EOGT: variants seen among roughly 807,000 people sequenced by gnomAD.
EOGT encodes the protein EGF domain-specific O-linked N-acetylglucosamine transferase.
A neutral mutation model predicts 70.5 loss-of-function variants in EOGT; 55 were observed. The ratio of observed to expected loss-of-function variants is 0.78; its 90% CI spans 0.63 to 0.98. The LOEUF (loss-of-function observed/expected upper bound fraction) is 0.98. Ranked by LOEUF, EOGT falls within the 50% of genes least tolerant of loss-of-function variation. The pLI, the probability that EOGT is intolerant of heterozygous loss-of-function variation, is 0.00. For synonymous variants in EOGT, 246 were observed against 217.1 expected, an observed-to-expected ratio of 1.13 and a Z score of -1.17; for missense variants, 703 against 641.9, an observed-to-expected ratio of 1.10 and a Z score of -1.03.
chr3:69,007,344 T>C (rs2091461087), intron 6 of EOGT, among the ~76,000 whole-genome samples: 1 of 152,104 alleles, frequency 6.6e-6, no homozygotes, highest in African/African-American at 2.4e-5. Context: ...TAAAAATCAA[T>C]AATAAGTAAT....
intron 10 of EOGT, among the ~76,000 whole-genome samples, chr3:68,992,823 C>G (rs1481531553): frequency 6.6e-6 from 1 of 152,220 alleles, no homozygotes; most frequent in Non-Finnish European, 1.5e-5. Context: ...GTTCCCAAAC[C>G]TCAATTCTTG....
chr3:68,988,495 A>G lies in EOGT; in HGVS notation c.996+11T>C. 1 of 1,524,818 alleles carries G rather than the reference A, an allele frequency of 6.6e-7. No homozygotes were observed. Among genetic ancestry groups the G allele is most frequent in the East Asian group, 2.4e-5 (1 of 40,842 alleles). 94.5% of individuals were successfully genotyped at this position (1,524,818 alleles called of 1,614,324 possible). On this transcript the variant is annotated intron_variant, in intron 12 of 17. Coordinates refer to ENST00000383701, the MANE Select transcript of EOGT (RefSeq NM_001278689.2). ...GTAAATATGAATGCTAATGGTAGACAATGTGCTTACCAGAGGAGTATTATA... is the reference window on the plus strand; with the variant it reads ...GTAAATATGAATGCTAATGGTAGACGATGTGCTTACCAGAGGAGTATTATA...
At chr3:69,007,656 A>C in intron 6 of EOGT, 57 bp downstream of exon 6, 1 of 1,233,008 alleles carries the variant, frequency 8.1e-7, no homozygotes, top group Non-Finnish European at 1.2e-6. Flanking sequence ...CGTCTCAAAA[A>C]TAAATAAAAT....
At chr3:68,979,012 C>A (rs2090555234) in intron 16 of EOGT, among the ~76,000 whole-genome samples, 1 of 152,094 alleles carries the variant, frequency 6.6e-6, no homozygotes, top group East Asian at 1.9e-4. Flanking sequence ...TCCTAAATAG[C>A]CTCCTATTTA....
chr3:68,999,866 G>A (rs956721876), intron 9 of EOGT, among the ~76,000 whole-genome samples: 4 of 152,082 alleles, frequency 2.6e-5, no homozygotes, highest in Admixed American at 2.6e-4. Context: ...CTTGAGAAAT[G>A]TGCCCCCTAA....
At chr3:68,978,788 A>G (rs886220600) in intron 16 of EOGT, among the ~76,000 whole-genome samples, 7 of 152,172 alleles carry the variant, frequency 4.6e-5, no homozygotes, top group African/African-American at 1.7e-4. Context: ...TAAATAGTGA[A>G]GGATGCAAAA....
intron 10 of EOGT, among the ~76,000 whole-genome samples, chr3:68,996,568 C>T (rs775366650): frequency 1.4e-4 from 22 of 152,208 alleles, no homozygotes; most frequent in Non-Finnish European, 2.5e-4. Context: ...ACTTTGCCAA[C>T]ACAGCTGTGT....
intron 14 of EOGT, among the ~76,000 whole-genome samples, chr3:68,983,285 C>A (rs556009845): frequency 1.3e-5 from 2 of 152,182 alleles, no homozygotes; most frequent in South Asian, 4.1e-4. Flanking sequence ...CTAGACTTTA[C>A]CTTAAGAGTT....
At chr3:68,995,378 C>T (rs559947932) in intron 10 of EOGT, among the ~76,000 whole-genome samples, 1 of 152,148 alleles carries the variant, frequency 6.6e-6, no homozygotes, top group Non-Finnish European at 1.5e-5. Flanking sequence ...TTTGACCAAG[C>T]GTCCGGGTTT....
At chr3:69,006,534 C>A (rs2091443907) in intron 6 of EOGT, among the ~76,000 whole-genome samples, 1 of 152,202 alleles carries the variant, frequency 6.6e-6, no homozygotes, top group Non-Finnish European at 1.5e-5. Context: ...CTTCATCAAC[C>A]TTTAAAAAAT....
intron 10 of EOGT, among the ~76,000 whole-genome samples, chr3:68,992,160 A>G (rs1473730711): frequency 1.3e-5 from 2 of 152,188 alleles, no homozygotes; most frequent in African/African-American, 4.8e-5. Context: ...TGCCTTCCCA[A>G]CAGTCCCCCA....
At chr3:68,986,478 T>C (rs1332944659) in intron 14 of EOGT, among the ~76,000 whole-genome samples, 1 of 152,186 alleles carries the variant, frequency 6.6e-6, no homozygotes, top group Non-Finnish European at 1.5e-5. Context: ...GCACCATGCC[T>C]GACCTCTTGG....
intron 10 of EOGT, among the ~76,000 whole-genome samples, chr3:68,990,892 G>A (rs2090975629): frequency 8.9e-6 from 1 of 112,126 alleles, no homozygotes; most frequent in African/African-American, 3.7e-5. Flanking sequence ...ATTGAGATCT[G>A]TTAGATGTGA....
At chr3:69,005,481 C>T (rs2091417093) in intron 6 of EOGT, among the ~76,000 whole-genome samples, 1 of 152,116 alleles carries the variant, frequency 6.6e-6, no homozygotes. Flanking sequence ...CGATCTGTCA[C>T]CTCAAATTTT....
intron 10 of EOGT, 60 bp downstream of exon 10, chr3:68,997,949 CAG>C (rs1232198279): frequency 7.2e-6 from 7 of 971,690 alleles, no homozygotes; most frequent in Non-Finnish European, 1.1e-5. Context: ...TTCACAACAT[CAG>C]AGTCACACAC....
intron 15 of EOGT, among the ~76,000 whole-genome samples, chr3:68,981,831 C>T (rs774535371): frequency 2.3e-4 from 33 of 142,776 alleles, no homozygotes; most frequent in Middle Eastern, 3.5e-3. Context: ...ATTTTGATAA[C>T]TTTTTTGTTA....
intron 14 of EOGT, among the ~76,000 whole-genome samples, chr3:68,984,204 CCCT>C (rs2090735804): frequency 7.8e-6 from 1 of 128,058 alleles, no homozygotes; most frequent in Non-Finnish European, 1.6e-5. Flanking sequence ...TAATCCCCTC[CCCT>C]CTCTCTCTCT....
At chr3:69,004,319 T>C (rs1333763530) in intron 8 of EOGT, 59 bp downstream of exon 8, 6 of 1,247,142 alleles carry the variant, frequency 4.8e-6, no homozygotes, top group Non-Finnish European at 7.0e-6. Flanking sequence ...CATTAATATC[T>C]GCAAGTGCCG....
intron 15 of EOGT, among the ~76,000 whole-genome samples, chr3:68,980,885 AT>A (rs1478075509): frequency 1.3e-5 from 2 of 152,124 alleles, no homozygotes; most frequent in Non-Finnish European, 2.9e-5. Flanking sequence ...CAAGGTACGA[AT>A]TCATTATCAT....
Sources: gnomAD v4.1 joint callset for allele counts (sites outside exome capture counted in the v4.1 genomes callset) on GRCh38, gnomAD v4.1.1 for gene constraint, MANE v1.5 for transcripts, NCBI Gene and HGNC (gene_info 2026-07-23, HGNC 2026-07-21) for gene names.